The following CELF2 variants were observed in gnomAD, a reference collection of about 807,000 sequenced individuals.
The protein encoded by CELF2 is CUG triplet repeat RNA-binding protein 2.
CELF2 carries 8 observed loss-of-function variants against 62.6 expected under a neutral mutation model. The ratio of observed to expected loss-of-function variants is 0.13; its 90% CI spans 0.07 to 0.23. The LOEUF (loss-of-function observed/expected upper bound fraction) is 0.23. CELF2 is among the 10% of genes least tolerant of loss of function. The probability of loss-of-function intolerance (pLI) is 1.00; values close to 1 mark genes in which losing one functional copy is unlikely to be tolerated. For missense variants in CELF2, 333 were observed against 671.0 expected, an observed-to-expected ratio of 0.50 and a Z score of 5.56; for synonymous variants, 258 against 250.0, an observed-to-expected ratio of 1.03 and a Z score of -0.30.
At chr10:10,543,633 G>T in the CELF2 span, among the ~76,000 whole-genome samples, 8 of 152,144 alleles carry the variant, frequency 5.3e-5, no homozygotes, top group Non-Finnish European at 1.2e-4. Context: ...GATCACCTGA[G>T]GTCAGGAGTT....
chr10:10,536,083 G>A, the CELF2 span, among the ~76,000 whole-genome samples: 118 of 150,230 alleles, frequency 7.9e-4, no homozygotes, highest in Non-Finnish European at 1.4e-3. Flanking sequence ...GCAGTGGTGC[G>A]ATCTCGACTC....
intron 1 of CELF2, among the ~76,000 whole-genome samples, chr10:10,854,982 ACT>A (rs1003012729): frequency 6.6e-6 from 1 of 152,036 alleles, no homozygotes; most frequent in African/African-American, 2.4e-5. Flanking sequence ...TGAGGGTGTA[ACT>A]CTGCCCAACA....
intron 2 of CELF2, chr10:10,970,738 G>A (rs2050667723): frequency 6.6e-6 from 1 of 152,218 alleles, no homozygotes; most frequent in Admixed American, 6.5e-5. Context: ...TTAGCAAAAT[G>A]AGCAACATGT....
chr10:10,480,734 A>T, the CELF2 span, among the ~76,000 whole-genome samples: 1 of 152,224 alleles, frequency 6.6e-6, no homozygotes, highest in Admixed American at 6.5e-5. Context: ...CTGAAAATTG[A>T]TAACTAAAAA....
At chr10:11,180,578 C>A (rs1310925042) in intron 2 of CELF2, among the ~76,000 whole-genome samples, 1 of 152,180 alleles carries the variant, frequency 6.6e-6, no homozygotes, top group Non-Finnish European at 1.5e-5. Flanking sequence ...CTCCCAGTGA[C>A]AGCTCTGGGT....
rs182502477 is a variant in CELF2, at chr10:11,223,111, G to A, written c.354+5604G>A. ...TTCCTTGGTGTAATTATAATTCTTT[G>A]TTTATGGGTGCTTTGAGTCCGGATC... is the stretch of plus-strand genomic sequence containing the variant. On this transcript the variant is annotated intron_variant, in intron 3 of 12. Transcript: ENST00000633077. This position sits in a 1 kb window ranked among gnomAD's most constrained non-coding sequence, Gnocchi z 5.1. 3.0e-4 allele frequency among the ~76,000 whole-genome samples: 46 copies of A among 152,298 alleles called. No homozygotes were observed. The highest frequency in any genetic ancestry group is 2.9e-3 in the Admixed American group (44 of 15,306).
chr10:10,529,226 A>T, the CELF2 span, among the ~76,000 whole-genome samples: 2 of 152,272 alleles, frequency 1.3e-5, no homozygotes, highest in East Asian at 3.9e-4. Flanking sequence ...TTTTTAGTGG[A>T]TGGAGATTCT....
chr10:11,122,833 A>T (rs760338808), intron 1 of CELF2, among the ~76,000 whole-genome samples: 1 of 152,184 alleles, frequency 6.6e-6, no homozygotes, highest in Non-Finnish European at 1.5e-5. Flanking sequence ...CAAGTTTGCA[A>T]TTGCTGTTGT....
chr10:11,100,348 A>G (rs2051220306), intron 1 of CELF2, among the ~76,000 whole-genome samples: 1 of 152,060 alleles, frequency 6.6e-6, no homozygotes, highest in African/African-American at 2.4e-5. Context: ...TTCCATTCCT[A>G]GGAATTCCAC....
At chr10:11,322,849 T>G (rs1260354361) in intron 11 of CELF2, among the ~76,000 whole-genome samples, 5 of 152,106 alleles carry the variant, frequency 3.3e-5, no homozygotes, top group Non-Finnish European at 5.9e-5. Flanking sequence ...ATCATAAACA[T>G]CACTTGTCTT....
rs77218674 is a variant in CELF2 at position 11,274,735 on chromosome 10, C to T, written c.778-322C>T. On this transcript the variant is annotated intron_variant, in intron 7 of 12. Transcript: ENST00000633077. The stretch of plus-strand genomic sequence containing the variant: ...GACCCTGATTGACAGAGATGAGTTA[C>T]GGTAACTGCTAGACTACAGAGAGAG... Among the ~76,000 whole-genome samples, 687 of 152,280 alleles carry T rather than the reference C, an allele frequency of 4.5e-3. 6 individuals carry two copies. Among genetic ancestry groups the T allele is most frequent in the African/African-American group, 0.016 (651 of 41,532 alleles).
chr10:11,272,274 A>G (rs1422520804), intron 7 of CELF2, among the ~76,000 whole-genome samples: 2 of 152,204 alleles, frequency 1.3e-5, no homozygotes, highest in Non-Finnish European at 2.9e-5. Context: ...TAAAATCTAT[A>G]TTTGCTCTGC....
the CELF2 span, among the ~76,000 whole-genome samples, chr10:10,577,614 T>G: frequency 9.2e-5 from 14 of 151,602 alleles, no homozygotes; most frequent in African/African-American, 2.4e-4. Context: ...GCGGTGTTTG[T>G]TTTTTTGTCC....
At chr10:11,064,646 C>A (rs1340638839) in intron 1 of CELF2, among the ~76,000 whole-genome samples, 1 of 152,134 alleles carries the variant, frequency 6.6e-6, no homozygotes, top group Non-Finnish European at 1.5e-5. Flanking sequence ...TCTCAATCCC[C>A]TTTTGCTTCC....
At chr10:10,509,335 A>G in the CELF2 span, among the ~76,000 whole-genome samples, 9 of 152,110 alleles carry the variant, frequency 5.9e-5, no homozygotes, top group Non-Finnish European at 1.2e-4. Flanking sequence ...CCTCACTCCC[A>G]ATGTAACAAT....
chr10:10,648,862 C>T, the CELF2 span, among the ~76,000 whole-genome samples: 4,063 of 152,242 alleles, frequency 0.027, 149 homozygotes, highest in Admixed American at 0.081. Flanking sequence ...ACTATAGCTG[C>T]ATTCCATTGG....
At chr10:10,918,348 G>A (rs983972590) in intron 1 of CELF2, among the ~76,000 whole-genome samples, 13 of 152,054 alleles carry the variant, frequency 8.5e-5, no homozygotes, top group African/African-American at 2.7e-4. Context: ...GTGGCAGAGT[G>A]GACAATACCT....
chr10:11,060,866 T>A (rs1173984792), intron 1 of CELF2, among the ~76,000 whole-genome samples: 3 of 152,188 alleles, frequency 2.0e-5, no homozygotes, highest in Non-Finnish European at 2.9e-5. Context: ...CAGGAACAGT[T>A]CCCATAGAAG....
chr10:10,885,382 A>G, intron 1 of CELF2, among the ~76,000 whole-genome samples: 1 of 151,850 alleles, frequency 6.6e-6, no homozygotes, highest in East Asian at 1.9e-4. Context: ...TTTAAAAATT[A>G]TGTGAGAAAT....
Sources: allele counts gnomAD v4.1 joint callset (sites outside exome capture counted in the v4.1 genomes callset), GRCh38; gene constraint gnomAD v4.1.1; non-coding constraint Gnocchi (gnomAD v3.1); transcripts MANE v1.5; gene names NCBI Gene and HGNC (gene_info 2026-07-23, HGNC 2026-07-21).